The following GRIK1 variants were observed in gnomAD, a reference collection of about 807,000 sequenced individuals.
GRIK1 encodes glutamate ionotropic receptor kainate type subunit 1, also known as glutamate receptor ionotropic, kainate 1.
In GRIK1, 69 loss-of-function variants were observed where a neutral mutation model predicts 105.7. That is an observed-to-expected ratio of 0.65 (90% confidence interval 0.54 to 0.80). The LOEUF (loss-of-function observed/expected upper bound fraction) is 0.80. GRIK1 is among the 30% of genes least tolerant of loss of function. The pLI is 0.00. For missense variants in GRIK1, 1,109 were observed against 1,167.3 expected (o/e 0.95, Z 0.73); for synonymous variants, 438 against 431.3 (o/e 1.02, Z -0.19).
chr21:29,563,491 G>A (rs2090535302), intron 14 of GRIK1, among the ~76,000 whole-genome samples: 1 of 152,192 alleles, frequency 6.6e-6, no homozygotes, highest in Non-Finnish European at 1.5e-5. Flanking sequence ...GCCCCTGTGA[G>A]TTATGCCACA....
At chr21:29,843,942 ACATC>A (rs573683834) in intron 1 of GRIK1, among the ~76,000 whole-genome samples, 14 of 152,288 alleles carry the variant, frequency 9.2e-5, no homozygotes, top group Non-Finnish European at 1.9e-4. Flanking sequence ...TGGTGCTGTC[ACATC>A]CAAGTTTTCA....
At chr21:29,556,353 G>A (rs1376380743) in intron 15 of GRIK1, among the ~76,000 whole-genome samples, 2 of 152,092 alleles carry the variant, frequency 1.3e-5, no homozygotes, top group Non-Finnish European at 1.5e-5. Context: ...ATCTTGGTTG[G>A]ACACATGTTT....
intron 15 of GRIK1, among the ~76,000 whole-genome samples, chr21:29,560,487 CTT>C (rs2090424671): frequency 2.0e-5 from 1 of 50,976 alleles, no homozygotes; most frequent in Non-Finnish European, 3.6e-5. Context: ...CTCTCCCTTT[CTT>C]TCTTTCTTTC....
intron 1 of GRIK1, among the ~76,000 whole-genome samples, chr21:29,831,084 C>G (rs1471095357): frequency 6.6e-6 from 1 of 152,114 alleles, no homozygotes; most frequent in Non-Finnish European, 1.5e-5. Flanking sequence ...TCTATTACTA[C>G]CATTTATTAC....
At chr21:29,557,449 T>A (rs1347816880) in intron 15 of GRIK1, among the ~76,000 whole-genome samples, 1 of 152,230 alleles carries the variant, frequency 6.6e-6, no homozygotes, top group Non-Finnish European at 1.5e-5. Context: ...CCTGACTTCT[T>A]ACTTTTCAGT....
intron 3 of GRIK1, among the ~76,000 whole-genome samples, chr21:29,682,975 C>T (rs900694908): frequency 5.9e-5 from 9 of 151,904 alleles, no homozygotes; most frequent in South Asian, 2.1e-4. Flanking sequence ...GGGCAAAAGA[C>T]GTGAACAGAC....
rs139055734 is a variant in GRIK1, at chr21:29,801,281, G to T, written c.119-107218C>A. Among the ~76,000 whole-genome samples, 664 of 151,274 alleles carry T rather than the reference G, an allele frequency of 4.4e-3. 3 individuals are homozygous for T. The highest frequency in any genetic ancestry group is 7.8e-3 in the South Asian group (37 of 4,762). On this transcript the variant is annotated intron_variant, in intron 1 of 17. Coordinates refer to ENST00000327783, the MANE Select transcript of GRIK1 (RefSeq NM_001330994.2). ...TGCGGTTTTTACCATTACTTTTAAT[G>T]GTAAAAACCGCAATTACTTTTGCAC...
At chr21:29,548,571 G>A (rs2090082365) in intron 16 of GRIK1, among the ~76,000 whole-genome samples, 1 of 152,114 alleles carries the variant, frequency 6.6e-6, no homozygotes, top group African/African-American at 2.4e-5. Context: ...TAATAAGTAA[G>A]ACTGCTTTGC....
At chr21:29,580,077 GTATA>G (rs1283322578) in intron 13 of GRIK1, among the ~76,000 whole-genome samples, 4 of 141,610 alleles carry the variant, frequency 2.8e-5, no homozygotes. Flanking sequence ...GTATATATAT[GTATA>G]TGTGTGTGTA....
intron 15 of GRIK1, among the ~76,000 whole-genome samples, chr21:29,558,649 G>A (rs1287845538): frequency 6.6e-6 from 1 of 151,328 alleles, no homozygotes; most frequent in South Asian, 2.1e-4. Context: ...GAACTTGGGT[G>A]AGGTTGGCCA....
intron 3 of GRIK1, among the ~76,000 whole-genome samples, chr21:29,676,021 A>G (rs1459263695): frequency 6.6e-6 from 1 of 152,210 alleles, no homozygotes; most frequent in African/African-American, 2.4e-5. Flanking sequence ...TTAAATCCTT[A>G]TTTGGCACAC....
intron 7 of GRIK1, among the ~76,000 whole-genome samples, chr21:29,641,130 T>C (rs899994735): frequency 6.6e-6 from 1 of 152,186 alleles, no homozygotes; most frequent in Non-Finnish European, 1.5e-5. Flanking sequence ...ACTATACCCA[T>C]CTTATAGATA....
At chr21:29,915,544 T>G (rs922829868) in intron 1 of GRIK1, among the ~76,000 whole-genome samples, 1 of 152,000 alleles carries the variant, frequency 6.6e-6, no homozygotes, top group African/African-American at 2.4e-5. Flanking sequence ...GGGAACAATT[T>G]CTCTGGATTT....
chr21:29,716,753 A>G (rs979768915), intron 1 of GRIK1, among the ~76,000 whole-genome samples: 63 of 152,214 alleles, frequency 4.1e-4, no homozygotes, highest in Non-Finnish European at 8.1e-4. Flanking sequence ...TAGCCTGACA[A>G]TGCAATGGAA....
At chr21:29,881,161 C>T (rs2069391728) in intron 1 of GRIK1, among the ~76,000 whole-genome samples, 1 of 152,100 alleles carries the variant, frequency 6.6e-6, no homozygotes, top group African/African-American at 2.4e-5. Context: ...ATTTAAAGTA[C>T]TCTGAACCAC....
intron 15 of GRIK1, among the ~76,000 whole-genome samples, chr21:29,560,388 CCTTCCTTCCTTCCTTTCTTT>C (rs1326932802): frequency 2.5e-4 from 11 of 43,634 alleles, no homozygotes; most frequent in Admixed American, 4.8e-4. Flanking sequence ...TTCCTTCCTT[CCTTCCTTCCTTCCTTTCTTT>C]CTTTCTTTCT....
chr21:29,838,148 G>A (rs1359234776), intron 1 of GRIK1, among the ~76,000 whole-genome samples: 1 of 152,134 alleles, frequency 6.6e-6, no homozygotes, highest in South Asian at 2.1e-4. Context: ...TGCATTAAAA[G>A]CTCATTGGGT....
At chr21:29,819,968 G>C (rs376911) in intron 1 of GRIK1, among the ~76,000 whole-genome samples, 34,890 of 151,774 alleles carry the variant, frequency 0.23, 4,158 homozygotes, top group Middle Eastern at 0.36. Context: ...CAGAGGCTAG[G>C]CGTTCTGTTT....
chr21:29,784,705 C>G (rs2145794185), intron 1 of GRIK1, among the ~76,000 whole-genome samples: 1 of 152,234 alleles, frequency 6.6e-6, no homozygotes, highest in Admixed American at 6.5e-5. Context: ...TTAATTAATA[C>G]TATCCCATAC....
Sources: allele counts gnomAD v4.1 joint callset (sites outside exome capture counted in the v4.1 genomes callset), GRCh38; gene constraint gnomAD v4.1.1; transcripts MANE v1.5; gene names NCBI Gene and HGNC (gene_info 2026-07-23, HGNC 2026-07-21).